ANKRD28: variants seen among roughly 807,000 people sequenced by gnomAD.
ANKRD28 encodes serine/threonine-protein phosphatase 6 regulatory ankyrin repeat subunit A.
ANKRD28 carries 44 observed loss-of-function variants against 126.5 expected under a neutral mutation model. That is an observed-to-expected ratio of 0.35 (90% CI 0.27 to 0.45). The LOEUF (loss-of-function observed/expected upper bound fraction) is 0.45. Among genes scored for constraint, ANKRD28 ranks in the 20% least tolerant of loss-of-function variants. ANKRD28 has a pLI of 1.00. For missense variants in ANKRD28, 1,110 were observed against 1,316.6 expected (o/e 0.84, Z 2.43); for synonymous variants, 442 against 468.5 (o/e 0.94, Z 0.73).
chr3:15,670,206 T>G lies in ANKRD28; in HGVS notation c.*64A>C. 6.5e-7 allele frequency: 1 copy of G among 1,532,724 alleles called. No individual in the cohort carries two copies. The highest frequency in any genetic ancestry group is 2.3e-5 in the East Asian group (1 of 43,644). The allele number at this position is 1,532,724 out of a possible 1,614,324, so 94.9% of individuals were successfully genotyped here. A position where few individuals can be genotyped will look rare whatever the true frequency, so the allele number is the denominator to read the frequency against. The stretch of plus-strand genomic sequence containing the variant: ...TTGAATTTCTACGTGAATATCAAAG[T>G]GCCTTTTTCCTGAAAAAGCACAGTT... On this transcript the variant is annotated 3_prime_UTR_variant, in exon 28 of 28. Transcript: ENST00000683139.
rs953211238 is a variant in ANKRD28, at chr3:15,719,897, G to C, written c.996+1018C>G. Among the ~76,000 whole-genome samples the C allele has an allele frequency of 2.0e-5, 3 of 151,900 alleles. No individual in the cohort carries two copies. The East Asian group carries it at 5.8e-4, about 29-fold the overall frequency. ...TCCTTTATTTATTTTTTGAGACAGGGTCTCACTCTGTCACCCAGGCTGGAG... is the reference window on the plus strand; with the variant it reads ...TCCTTTATTTATTTTTTGAGACAGGCTCTCACTCTGTCACCCAGGCTGGAG... On this transcript the variant is annotated intron_variant, in intron 8 of 27. Coordinates refer to ENST00000683139, the MANE Select transcript of ANKRD28 (RefSeq NM_001349278.2).
At chr3:15,771,279 G>A (rs548145944) in intron 2 of ANKRD28, among the ~76,000 whole-genome samples, 1 of 151,960 alleles carries the variant, frequency 6.6e-6, no homozygotes, top group African/African-American at 2.4e-5. Flanking sequence ...GCGTGGTGGC[G>A]GGCACCTGTA....
rs1476802960 is a variant in ANKRD28, at chr3:15,854,418, TC to T, written c.27+4958del. Reference sequence around the variant, plus strand: ...ATACTTCTGGTGAACCTAAAATACCTCCCCTGCCATGAGGGTTTCCCTCCAC... The same window carrying T: ...ATACTTCTGGTGAACCTAAAATACCTCCCTGCCATGAGGGTTTCCCTCCAC... On this transcript the variant is annotated intron_variant, in intron 1 of 27. Coordinates refer to the ANKRD28 transcript ENST00000399451. The surrounding 1 kb of genome is among the most constrained non-coding windows in gnomAD (Gnocchi z 4.1). 6.6e-6 allele frequency among the ~76,000 whole-genome samples: 1 copy of T among 151,932 alleles called. No homozygotes were observed. Among genetic ancestry groups the T allele is most frequent in the Non-Finnish European group, 1.5e-5 (1 of 67,972 alleles).
rs963731727 is a variant in ANKRD28 at position 15,830,577 on chromosome 3, C to T, written c.27+28800G>A. On this transcript the variant is annotated intron_variant, in intron 1 of 27. Transcript: ENST00000399451. The surrounding 1 kb of genome is among the most constrained non-coding windows in gnomAD (Gnocchi z 4.5). ...GTTTCATCTCAAAACCATCCCACCC[C>T]CCACCGCACCCCCATCCACGGAAAA... 2.0e-5 allele frequency among the ~76,000 whole-genome samples: 3 copies of T among 151,966 alleles called. No homozygotes were observed. The highest frequency in any genetic ancestry group is 2.9e-5 in the Non-Finnish European group (2 of 67,988).
At chr3:15,768,788 T>C (rs1265107100) in intron 2 of ANKRD28, among the ~76,000 whole-genome samples, 1 of 152,110 alleles carries the variant, frequency 6.6e-6, no homozygotes, top group East Asian at 1.9e-4. Context: ...TAAAGGGAGG[T>C]TGATATAGTG....
chr3:15,770,968 G>A (rs1575612656), intron 2 of ANKRD28, among the ~76,000 whole-genome samples: 2 of 152,146 alleles, frequency 1.3e-5, no homozygotes, highest in South Asian at 4.1e-4. Flanking sequence ...TATTTACTGT[G>A]TAAAATTATT....
At chr3:15,683,830 T>C (rs1184703610) in intron 21 of ANKRD28, 1 of 152,198 alleles carries the variant, frequency 6.6e-6, no homozygotes, top group Non-Finnish European at 1.5e-5. Context: ...TCAGAACAGC[T>C]CCCAGTGAAA....
chr3:15,674,757 A>C lies in ANKRD28; in HGVS notation c.2965+1141T>G, dbSNP rs562675082. Among the ~76,000 whole-genome samples the C allele has an allele frequency of 2.0e-5, 3 of 152,330 alleles. No individual in the cohort carries two copies. In the South Asian group the frequency reaches 6.2e-4, roughly 32 times the overall value. On this transcript the variant is annotated intron_variant, in intron 27 of 27. Coordinates refer to ENST00000683139, the MANE Select transcript of ANKRD28 (RefSeq NM_001349278.2). ...AAGAAATTAAGAAGGAATAACTAGTAATGTAGAAGGAAAACCAAGGAAGAG... is the reference window on the plus strand; with the variant it reads ...AAGAAATTAAGAAGGAATAACTAGTCATGTAGAAGGAAAACCAAGGAAGAG...
intron 4 of ANKRD28, among the ~76,000 whole-genome samples, chr3:15,743,437 A>T (rs2057249680): frequency 6.6e-6 from 1 of 152,192 alleles, no homozygotes; most frequent in Non-Finnish European, 1.5e-5. Flanking sequence ...ACAATATCTC[A>T]TGTGATAATG....
intron 6 of ANKRD28, among the ~76,000 whole-genome samples, chr3:15,725,022 G>A (rs1425706529): frequency 3.3e-5 from 5 of 152,032 alleles, no homozygotes; most frequent in African/African-American, 1.2e-4. Context: ...GGATAATTTT[G>A]GTAAGTGTTG....
chr3:15,831,120 T>C (rs1267572556), intron 1 of ANKRD28, among the ~76,000 whole-genome samples: 2 of 152,182 alleles, frequency 1.3e-5, no homozygotes, highest in African/African-American at 4.8e-5. Flanking sequence ...TCTTTTGATG[T>C]AATAAACCAT....
chr3:15,727,776 G>A (rs777787116), intron 6 of ANKRD28, among the ~76,000 whole-genome samples: 12 of 152,102 alleles, frequency 7.9e-5, no homozygotes, highest in Non-Finnish European at 1.5e-4. Context: ...GTCTGAAGAT[G>A]TGCCTGAATT....
intron 1 of ANKRD28, among the ~76,000 whole-genome samples, chr3:15,824,581 A>G (rs961838394): frequency 6.6e-6 from 1 of 152,280 alleles, no homozygotes; most frequent in African/African-American, 2.4e-5. Flanking sequence ...AAAATAAGAA[A>G]TTAAGAAAGC....
intron 2 of ANKRD28, among the ~76,000 whole-genome samples, chr3:15,786,795 G>C (rs955388745): frequency 6.6e-6 from 1 of 151,994 alleles, no homozygotes; most frequent in Non-Finnish European, 1.5e-5. Flanking sequence ...TTCTGAGTAT[G>C]CAAGTATTGA....
At chr3:15,835,987 GAAC>G (rs2061318773) in intron 1 of ANKRD28, among the ~76,000 whole-genome samples, 1 of 151,808 alleles carries the variant, frequency 6.6e-6, no homozygotes, top group African/African-American at 2.4e-5. Flanking sequence ...TAACTGCATA[GAAC>G]AACTATAAAA....
At chr3:15,746,341 G>A (rs2125304085) in intron 4 of ANKRD28, among the ~76,000 whole-genome samples, 1 of 152,270 alleles carries the variant, frequency 6.6e-6, no homozygotes, top group South Asian at 2.1e-4. Context: ...TGCTGGATGC[G>A]AGTTTGTCAT....
At chr3:15,831,541 G>A (rs918697098) in intron 1 of ANKRD28, among the ~76,000 whole-genome samples, 13 of 152,100 alleles carry the variant, frequency 8.5e-5, no homozygotes, top group Non-Finnish European at 1.5e-4. Context: ...AACAAAAAAT[G>A]TCTCCAGACA....
rs779034847 is a variant in ANKRD28 at position 15,795,313 on chromosome 3, T to C, written c.118-7A>G. The C allele has an allele frequency of 3.2e-6, 5 of 1,583,812 alleles. No homozygotes were observed. The highest frequency in any genetic ancestry group is 4.3e-6 in the Non-Finnish European group (5 of 1,152,946). On this transcript the variant is annotated splice_region_variant and splice_polypyrimidine_tract_variant and intron_variant, in intron 1 of 27. Coordinates refer to ENST00000683139, the MANE Select transcript of ANKRD28 (RefSeq NM_001349278.2). ...TAGCTTGCACCAGTGATGGCTAAAA[T>C]AGAAGAGAGTAATAAAAACATTAGA...
At chr3:15,849,611 T>C (rs2061595972) in intron 1 of ANKRD28, among the ~76,000 whole-genome samples, 1 of 152,130 alleles carries the variant, frequency 6.6e-6, no homozygotes, top group East Asian at 1.9e-4. Flanking sequence ...TCCAGAGAGT[T>C]GGAATTGGAA....
Sources: allele counts gnomAD v4.1 joint callset (sites outside exome capture counted in the v4.1 genomes callset), GRCh38; gene constraint gnomAD v4.1.1; non-coding constraint Gnocchi (gnomAD v3.1); transcripts MANE v1.5; gene names NCBI Gene and HGNC (gene_info 2026-07-23, HGNC 2026-07-21).